Variants in CTNNA3 observed in about 807,000 individuals in gnomAD.
The protein encoded by CTNNA3 is catenin alpha-3.
In CTNNA3, 76 loss-of-function variants were observed where a neutral mutation model predicts 95.7. The observed-to-expected ratio is 0.79, with a 90% CI of 0.66 to 0.96. The LOEUF is 0.96. Among genes scored for constraint, CTNNA3 ranks in the 40% least tolerant of loss-of-function variants. The pLI, the probability that CTNNA3 is intolerant of heterozygous loss-of-function variation, is 0.00. For synonymous variants in CTNNA3, 431 were observed against 374.4 expected, an observed-to-expected ratio of 1.15 and a Z score of -1.74; for missense variants, 1,191 against 1,089.8, an observed-to-expected ratio of 1.09 and a Z score of -1.31.
intron 7 of CTNNA3, among the ~76,000 whole-genome samples, chr10:67,176,105 T>A (rs1302150118): frequency 1.3e-5 from 2 of 152,212 alleles, no homozygotes; most frequent in East Asian, 3.8e-4. Context: ...TCCTGGAGTG[T>A]ATTTTTAATG....
At chr10:67,539,952 T>C (rs1352431687) in intron 3 of CTNNA3, among the ~76,000 whole-genome samples, 1 of 152,196 alleles carries the variant, frequency 6.6e-6, no homozygotes, top group Non-Finnish European at 1.5e-5. Context: ...CTGCATTTGC[T>C]GAATCTCATT....
At chr10:67,264,589 C>T (rs1866742970) in intron 5 of CTNNA3, among the ~76,000 whole-genome samples, 1 of 152,150 alleles carries the variant, frequency 6.6e-6, no homozygotes, top group South Asian at 2.1e-4. Flanking sequence ...TTGGAACAGA[C>T]ATTAAATGCC....
intron 13 of CTNNA3, among the ~76,000 whole-genome samples, chr10:66,127,271 CA>C (rs35884096): frequency 0.23 from 17,298 of 74,280 alleles, 580 homozygotes; most frequent in Non-Finnish European, 0.3. Flanking sequence ...GACTCTGTCT[CA>C]AAAAAAAAAA....
intron 5 of CTNNA3, among the ~76,000 whole-genome samples, chr10:67,416,773 C>T: frequency 6.6e-6 from 1 of 151,902 alleles, no homozygotes; most frequent in Non-Finnish European, 1.5e-5. Context: ...GTCAGGATGG[C>T]TATTATTAAA....
chr10:66,927,477 C>CCTGGGATATAACCGGAT lies in CTNNA3; in HGVS notation c.1048-151970_1048-151954dup. The CCTGGGATATAACCGGAT allele has an allele frequency of 6.2e-7, 1 of 1,614,074 alleles. No individual in the cohort carries two copies. Among genetic ancestry groups the CCTGGGATATAACCGGAT allele is most frequent in the East Asian group, 2.2e-5 (1 of 44,860 alleles). On this transcript the variant is annotated intron_variant, in intron 7 of 17. Transcript: ENST00000433211. This position sits in a 1 kb window ranked among gnomAD's most constrained non-coding sequence, Gnocchi z 4.7. ...ACTGCCGCAACCTGGAACTTTTGGA[C>CCTGGGATATAACCGGAT]CTGGGATATAACCGGATCCGAAGTT...
intron 13 of CTNNA3, among the ~76,000 whole-genome samples, chr10:66,157,904 T>C (rs913448231): frequency 1.3e-5 from 2 of 152,150 alleles, no homozygotes; most frequent in African/African-American, 4.8e-5. Context: ...TGCATTTTCC[T>C]GATCATTAGT....
At chr10:66,256,232 C>T (rs1041664206) in intron 13 of CTNNA3, among the ~76,000 whole-genome samples, 19 of 152,274 alleles carry the variant, frequency 1.2e-4, no homozygotes, top group African/African-American at 1.9e-4. Flanking sequence ...CTGCTGGACA[C>T]TATGCAAAAA....
intron 5 of CTNNA3, among the ~76,000 whole-genome samples, chr10:67,488,925 G>A (rs1465782809): frequency 6.6e-6 from 1 of 152,076 alleles, no homozygotes; most frequent in Non-Finnish European, 1.5e-5. Flanking sequence ...TAGTAGAGAT[G>A]TGGTTTCGCC....
intron 2 of CTNNA3, among the ~76,000 whole-genome samples, chr10:67,633,558 C>G (rs899125090): frequency 3.3e-5 from 5 of 152,112 alleles, no homozygotes; most frequent in Non-Finnish European, 7.4e-5. Context: ...TGTTTCACAG[C>G]CTTCACTGGT....
chr10:66,038,212 T>G (rs1564595452), intron 15 of CTNNA3, among the ~76,000 whole-genome samples: 1 of 152,222 alleles, frequency 6.6e-6, no homozygotes, highest in Admixed American at 6.5e-5. Flanking sequence ...AAATATTTGC[T>G]TATTAAGGTG....
chr10:67,453,173 G>A (rs1847053431), intron 5 of CTNNA3, among the ~76,000 whole-genome samples: 1 of 152,132 alleles, frequency 6.6e-6, no homozygotes, highest in Admixed American at 6.6e-5. Context: ...GTTACCAAGT[G>A]GAGAGAAAAT....
intron 1 of CTNNA3, among the ~76,000 whole-genome samples, chr10:67,741,335 T>A (rs371169010): frequency 1.0e-3 from 114 of 108,740 alleles, no homozygotes; most frequent in Middle Eastern, 5.5e-3. Flanking sequence ...AAATAAAAAA[T>A]AAAAAAAGAA....
chr10:66,242,695 G>A (rs10822771), intron 13 of CTNNA3, among the ~76,000 whole-genome samples: 32,555 of 151,992 alleles, frequency 0.21, 3,677 homozygotes, highest in South Asian at 0.29. Context: ...GTAAAATCGT[G>A]CAAATATTTT....
chr10:66,618,716 T>C (rs909074484), intron 10 of CTNNA3, among the ~76,000 whole-genome samples: 87 of 152,164 alleles, frequency 5.7e-4, no homozygotes, highest in Middle Eastern at 3.4e-3. Context: ...AAATGGGATC[T>C]AATTAAACTA....
chr10:66,028,627 G>A (rs1268578888), intron 15 of CTNNA3, among the ~76,000 whole-genome samples: 1 of 151,924 alleles, frequency 6.6e-6, no homozygotes, highest in Non-Finnish European at 1.5e-5. Context: ...GATAGCATTA[G>A]GAGATATACC....
At chr10:67,632,268 G>C (rs1207227130) in intron 2 of CTNNA3, among the ~76,000 whole-genome samples, 1 of 149,946 alleles carries the variant, frequency 6.7e-6, no homozygotes, top group Non-Finnish European at 1.5e-5. Flanking sequence ...CACCCTGAAT[G>C]TACAGAATTT....
At chr10:66,053,499 C>T (rs553332859) in intron 15 of CTNNA3, among the ~76,000 whole-genome samples, 1 of 152,028 alleles carries the variant, frequency 6.6e-6, no homozygotes, top group Non-Finnish European at 1.5e-5. Flanking sequence ...TACAAACAAT[C>T]CAATTATACT....
At position 67,301,827 on chromosome 10, in the gene CTNNA3, G is replaced by C. The variant is rs559468348; in HGVS notation, c.580-81957C>G. Among the ~76,000 whole-genome samples the C allele has an allele frequency of 1.7e-4, 26 of 152,144 alleles. 1 individual carries two copies. Among genetic ancestry groups the C allele is most frequent in the African/African-American group, 6.3e-4 (26 of 41,520 alleles). On this transcript the variant is annotated intron_variant, in intron 5 of 17. Coordinates refer to ENST00000433211, the MANE Select transcript of CTNNA3 (RefSeq NM_013266.4). ...ACTAAAAATACACAAAAATTAGCTG[G>C]GGGTGGTGGTGGGCGCCTGTAGTCC...
At chr10:67,180,210 A>G in intron 7 of CTNNA3, 107 bp downstream of exon 7, 4 of 946,946 alleles carry the variant, frequency 4.2e-6, no homozygotes, top group Non-Finnish European at 6.6e-6. Flanking sequence ...GTAAAATCAC[A>G]TACTCATTTG....
Sources: allele counts gnomAD v4.1 joint callset (sites outside exome capture counted in the v4.1 genomes callset), GRCh38; gene constraint gnomAD v4.1.1; non-coding constraint Gnocchi (gnomAD v3.1); transcripts MANE v1.5; gene names NCBI Gene and HGNC (gene_info 2026-07-23, HGNC 2026-07-21).